Variants in SPOPL observed in about 807,000 individuals in gnomAD.
SPOPL encodes speckle-type POZ protein-like.
SPOPL carries 23 observed loss-of-function variants against 53.8 expected under a neutral mutation model. The observed-to-expected ratio is 0.43, with a 90% CI of 0.31 to 0.61. The LOEUF is 0.61. Among genes scored for constraint, SPOPL ranks in the 20% least tolerant of loss-of-function variants. SPOPL has a pLI of 0.12. For missense variants in SPOPL, 442 were observed against 466.9 expected (o/e 0.95, Z 0.49); for synonymous variants, 164 against 149.7 (o/e 1.10, Z -0.70).
At chr2:138,568,459 G>A (rs1034835993) in intron 10 of SPOPL, among the ~76,000 whole-genome samples, 14 of 152,140 alleles carry the variant, frequency 9.2e-5, no homozygotes, top group Admixed American at 2.0e-4. Context: ...AAGTGGCTGC[G>A]AATGAACCTT....
Position 138,506,876 on chromosome 2 carries a change from A to T in SPOPL, c.-61+4757A>T, listed in dbSNP as rs934920077. 4.6e-5 allele frequency among the ~76,000 whole-genome samples: 7 copies of T among 152,152 alleles called. No individual in the cohort carries two copies. In the East Asian group the frequency reaches 5.8e-4, roughly 13 times the overall value. On this transcript the variant is annotated intron_variant, in intron 1 of 10. Coordinates refer to ENST00000280098, the MANE Select transcript of SPOPL (RefSeq NM_001001664.3). Reference sequence around the variant, plus strand: ...TGCTTAAGGAGATAGTATGGAGAAGATAAGGGGTCTTATGAGTAAGCCCTA... The same window carrying T: ...TGCTTAAGGAGATAGTATGGAGAAGTTAAGGGGTCTTATGAGTAAGCCCTA...
At chr2:138,530,185 G>A (rs1684776366) in intron 1 of SPOPL, among the ~76,000 whole-genome samples, 1 of 152,164 alleles carries the variant, frequency 6.6e-6, no homozygotes, top group Non-Finnish European at 1.5e-5. Context: ...GTATTCTGTG[G>A]TGTATGACAT....
chr2:138,516,393 CAG>C (rs1405789069), intron 1 of SPOPL, among the ~76,000 whole-genome samples: 1 of 152,142 alleles, frequency 6.6e-6, no homozygotes, highest in Admixed American at 6.5e-5. Flanking sequence ...AAATTGATGA[CAG>C]AACAGGAATA....
chr2:138,521,336 C>G (rs1684551495), intron 1 of SPOPL, among the ~76,000 whole-genome samples: 1 of 151,340 alleles, frequency 6.6e-6, no homozygotes, highest in African/African-American at 2.4e-5. Context: ...GAAGTAGAAT[C>G]CAAGTATCTC....
chr2:138,523,619 A>G (rs765128185), intron 1 of SPOPL, among the ~76,000 whole-genome samples: 3 of 152,218 alleles, frequency 2.0e-5, no homozygotes, highest in Non-Finnish European at 4.4e-5. Context: ...CAGTGGGGGT[A>G]CAGGCATTGG....
intron 1 of SPOPL, among the ~76,000 whole-genome samples, chr2:138,538,613 T>G (rs1684989817): frequency 6.6e-6 from 1 of 152,194 alleles, no homozygotes; most frequent in Admixed American, 6.5e-5. Context: ...ATTCTTCCAG[T>G]CTTTTCACAT....
Position 138,529,536 on chromosome 2 carries a change from T to TCGCGCA in SPOPL, c.-60-20621_-60-20620insCGCGCA, listed in dbSNP as rs72375808. Among the ~76,000 whole-genome samples the TCGCGCA allele has an allele frequency of 1.2e-3, 117 of 97,632 alleles. 1 individual carries two copies. Among genetic ancestry groups the TCGCGCA allele is most frequent in the South Asian group, 2.6e-3 (7 of 2,678 alleles). 64.1% of individuals were successfully genotyped at this position (97,632 alleles called of 152,430 possible). A position where few individuals can be genotyped will look rare whatever the true frequency, so the allele number is the denominator to read the frequency against. ...TGTGTGTGTGTGTGTGTGTGTGTGT[T>TCGCGCA]TGCGTGCGCGCGCGCTTCTGCATTC... On this transcript the variant is annotated intron_variant, in intron 1 of 10. Coordinates refer to ENST00000280098, the MANE Select transcript of SPOPL (RefSeq NM_001001664.3).
chr2:138,571,202 T>C lies in SPOPL; in HGVS notation c.*2122T>C, dbSNP rs1328077259. 6.6e-6 allele frequency: 1 copy of C among 152,334 alleles called. No individual in the cohort carries two copies. Among genetic ancestry groups the C allele is most frequent in the Non-Finnish European group, 1.5e-5 (1 of 68,016 alleles). The allele number at this position is 152,334 out of a possible 1,614,324, so 9.4% of individuals were successfully genotyped here. A position where few individuals can be genotyped will look rare whatever the true frequency, so the allele number is the denominator to read the frequency against. On this transcript the variant is annotated 3_prime_UTR_variant, in exon 11 of 11. Coordinates refer to ENST00000280098, the MANE Select transcript of SPOPL (RefSeq NM_001001664.3). ...CTCAGGCTATAGAATTATGTTGTCATATATCAGAAAAGTACTGATGTATCC... is the reference window on the plus strand; with the variant it reads ...CTCAGGCTATAGAATTATGTTGTCACATATCAGAAAAGTACTGATGTATCC...
intron 1 of SPOPL, among the ~76,000 whole-genome samples, chr2:138,541,987 G>C (rs1193315907): frequency 2.0e-5 from 3 of 151,976 alleles, no homozygotes; most frequent in Non-Finnish European, 4.4e-5. Flanking sequence ...CCTTCATTTC[G>C]TTATGTACCC....
At chr2:138,553,561 T>C (rs1685358776) in intron 5 of SPOPL, among the ~76,000 whole-genome samples, 1 of 152,130 alleles carries the variant, frequency 6.6e-6, no homozygotes, top group Non-Finnish European at 1.5e-5. Flanking sequence ...CTTAGGAATA[T>C]AATAACTTCT....
At chr2:138,531,520 C>T (rs778776656) in intron 1 of SPOPL, among the ~76,000 whole-genome samples, 1 of 152,142 alleles carries the variant, frequency 6.6e-6, no homozygotes, top group Non-Finnish European at 1.5e-5. Flanking sequence ...TATTGCTTCT[C>T]TCTTTTTCTT....
Position 138,561,562 on chromosome 2 carries a change from A to T in SPOPL, c.837+635A>T, listed in dbSNP as rs1460874791. ...ATGGATGGTATGTGTGTATATATAC[A>T]CATCATTTGAAAAATGTTACCATTG... is the stretch of plus-strand genomic sequence containing the variant. On this transcript the variant is annotated intron_variant, in intron 8 of 10. Transcript: ENST00000280098. 2.0e-5 allele frequency among the ~76,000 whole-genome samples: 3 copies of T among 152,202 alleles called. No homozygotes were observed. In the East Asian group the frequency reaches 5.8e-4, roughly 29 times the overall value.
chr2:138,548,095 C>T (rs1685236619), intron 1 of SPOPL, among the ~76,000 whole-genome samples: 1 of 152,004 alleles, frequency 6.6e-6, no homozygotes, highest in African/African-American at 2.4e-5. Flanking sequence ...TATAGCAAAG[C>T]CTTATCCCCA....
intron 1 of SPOPL, among the ~76,000 whole-genome samples, chr2:138,541,465 G>C (rs1685070281): frequency 6.6e-6 from 1 of 151,818 alleles, no homozygotes; most frequent in Admixed American, 6.5e-5. Context: ...TCCTGGTTTA[G>C]TCTTGGGAGG....
intron 1 of SPOPL, among the ~76,000 whole-genome samples, chr2:138,509,452 A>C (rs73959453): frequency 0.012 from 1,774 of 152,298 alleles, 39 homozygotes; most frequent in African/African-American, 0.04. Flanking sequence ...ATAACAAAAT[A>C]TAATGTTATA....
At chr2:138,566,211 A>G (rs1192367896) in intron 10 of SPOPL, among the ~76,000 whole-genome samples, 2 of 152,182 alleles carry the variant, frequency 1.3e-5, no homozygotes, top group Non-Finnish European at 2.9e-5. Flanking sequence ...CTTGTATAAT[A>G]CGTTGGTCAG....
rs148685769 is a variant in SPOPL at position 138,560,247 on chromosome 2, G to A, written c.715-558G>A. On this transcript the variant is annotated intron_variant, in intron 7 of 10. Transcript: ENST00000280098. ...AAATGGGAGAATTCTGAGGTAGTGG[G>A]CTTTATTGTTACCTCTAGTACCTTG... Among the ~76,000 whole-genome samples, 20 of 152,168 alleles carry A rather than the reference G, an allele frequency of 1.3e-4. No individual in the cohort carries two copies. The East Asian group carries it at 3.9e-3, about 29-fold the overall frequency.
intron 1 of SPOPL, among the ~76,000 whole-genome samples, chr2:138,518,063 A>G (rs1054847548): frequency 1.0e-4 from 15 of 148,062 alleles, no homozygotes; most frequent in Admixed American, 2.0e-4. Context: ...AAAAAAAAAA[A>G]AAGAAAAGGA....
At chr2:138,564,404 T>C (rs922698604) in intron 8 of SPOPL, 2 of 281,286 alleles carry the variant, frequency 7.1e-6, no homozygotes, top group Non-Finnish European at 1.3e-5. Flanking sequence ...CATTAGTGTT[T>C]GAAGTAGTAG....
Sources: gnomAD v4.1 joint callset for allele counts (sites outside exome capture counted in the v4.1 genomes callset) on GRCh38, gnomAD v4.1.1 for gene constraint, MANE v1.5 for transcripts, NCBI Gene and HGNC (gene_info 2026-07-23, HGNC 2026-07-21) for gene names.